ELMO1: variants seen among roughly 807,000 people sequenced by gnomAD.
ELMO1 encodes engulfment and cell motility protein 1.
ELMO1 carries 26 observed loss-of-function variants against 98.9 expected under a neutral mutation model. The observed-to-expected ratio is 0.26, with a 90% confidence interval of 0.19 to 0.36. The LOEUF (loss-of-function observed/expected upper bound fraction) is 0.36. Among genes scored for constraint, ELMO1 ranks in the 10% least tolerant of loss-of-function variants. ELMO1 has a pLI of 1.00. For synonymous variants in ELMO1, 346 were observed against 346.0 expected (o/e 1.00, Z 0.00); for missense variants, 627 against 935.2 (o/e 0.67, Z 4.30).
At chr7:37,103,748 G>A (rs1480580757) in intron 14 of ELMO1, among the ~76,000 whole-genome samples, 2 of 151,964 alleles carry the variant, frequency 1.3e-5, no homozygotes, top group Non-Finnish European at 2.9e-5. Flanking sequence ...TGTAATCCCA[G>A]CACTTTGGGA....
At chr7:37,103,466 C>T (rs953896433) in intron 14 of ELMO1, among the ~76,000 whole-genome samples, 2 of 135,294 alleles carry the variant, frequency 1.5e-5, no homozygotes, top group Admixed American at 1.7e-4. Flanking sequence ...GGAAATTGAA[C>T]AATAAGAACA....
chr7:37,262,796 C>T (rs1316051097), intron 5 of ELMO1, among the ~76,000 whole-genome samples: 1 of 152,222 alleles, frequency 6.6e-6, no homozygotes, highest in African/African-American at 2.4e-5. Context: ...ACTTACATCT[C>T]TGCCATTGGC....
At chr7:37,182,382 A>G (rs1394282855) in intron 13 of ELMO1, among the ~76,000 whole-genome samples, 2 of 152,054 alleles carry the variant, frequency 1.3e-5, no homozygotes, top group African/African-American at 4.8e-5. Context: ...AAATGGCAGC[A>G]GAACAGCTCT....
chr7:37,083,466 C>G (rs866814917), intron 15 of ELMO1, among the ~76,000 whole-genome samples: 1 of 152,104 alleles, frequency 6.6e-6, no homozygotes, highest in East Asian at 1.9e-4. Context: ...AAGTCATTCT[C>G]CTTACTCACT....
At chr7:37,328,841 T>C (rs1242360970) in intron 2 of ELMO1, among the ~76,000 whole-genome samples, 2 of 152,218 alleles carry the variant, frequency 1.3e-5, no homozygotes, top group Non-Finnish European at 2.9e-5. Flanking sequence ...TCAACCTGAA[T>C]GCATATCCTT....
At chr7:36,916,616 T>C (rs1325374280) in intron 16 of ELMO1, among the ~76,000 whole-genome samples, 1 of 152,234 alleles carries the variant, frequency 6.6e-6, no homozygotes, top group East Asian at 1.9e-4. Flanking sequence ...TAGATTTTAC[T>C]TACATAGTGC....
At chr7:37,198,834 C>G (rs776717898) in intron 13 of ELMO1, among the ~76,000 whole-genome samples, 3 of 152,160 alleles carry the variant, frequency 2.0e-5, no homozygotes, top group Non-Finnish European at 4.4e-5. Context: ...TCCGCCACAG[C>G]CAGGGGACAG....
At chr7:37,042,113 G>A (rs376715002) in intron 15 of ELMO1, among the ~76,000 whole-genome samples, 52 of 137,104 alleles carry the variant, frequency 3.8e-4, no homozygotes, top group African/African-American at 9.4e-4. Flanking sequence ...GAAAAACCCC[G>A]TCTCTACGAA....
chr7:37,372,137 A>C (rs929199933), intron 1 of ELMO1, among the ~76,000 whole-genome samples: 1 of 152,324 alleles, frequency 6.6e-6, no homozygotes, highest in South Asian at 2.1e-4. Context: ...CAGTTAAAAA[A>C]AAAAAGATAG....
intron 4 of ELMO1, among the ~76,000 whole-genome samples, chr7:37,302,959 G>A (rs1281698971): frequency 1.3e-5 from 2 of 152,092 alleles, no homozygotes; most frequent in Non-Finnish European, 2.9e-5. Flanking sequence ...TACCTTTCCT[G>A]GGTAGAGATA....
At chr7:37,126,104 A>G (rs1786490323) in intron 14 of ELMO1, among the ~76,000 whole-genome samples, 1 of 151,728 alleles carries the variant, frequency 6.6e-6, no homozygotes, top group African/African-American at 2.4e-5. Flanking sequence ...CAATGAGAAC[A>G]CTTGGACACA....
At chr7:37,264,209 C>T (rs1471815110) in intron 5 of ELMO1, among the ~76,000 whole-genome samples, 1 of 152,130 alleles carries the variant, frequency 6.6e-6, no homozygotes, top group Non-Finnish European at 1.5e-5. Context: ...TCACCCAGCA[C>T]ACAGAAGTGT....
chr7:37,083,551 C>G (rs1783596882), intron 15 of ELMO1, among the ~76,000 whole-genome samples: 1 of 152,198 alleles, frequency 6.6e-6, no homozygotes, highest in African/African-American at 2.4e-5. Context: ...ATGTGATTCA[C>G]ACTTCTAAAG....
chr7:37,037,667 C>T (rs578034549), intron 15 of ELMO1, among the ~76,000 whole-genome samples: 1 of 152,292 alleles, frequency 6.6e-6, no homozygotes, highest in Non-Finnish European at 1.5e-5. Context: ...ATCAAGTGAG[C>T]TGGGGTCAAC....
chr7:36,998,499 ATATATCT>A (rs1267223612), intron 16 of ELMO1, among the ~76,000 whole-genome samples: 6 of 152,164 alleles, frequency 3.9e-5, no homozygotes, highest in Admixed American at 2.0e-4. Flanking sequence ...CCATTTGTAC[ATATATCT>A]TAGGTGCATT....
At chr7:37,183,385 A>C (rs1403043112) in intron 13 of ELMO1, among the ~76,000 whole-genome samples, 1 of 152,224 alleles carries the variant, frequency 6.6e-6, no homozygotes, top group African/African-American at 2.4e-5. Context: ...CACTGCCCCT[A>C]AAGTATTTAC....
intron 4 of ELMO1, among the ~76,000 whole-genome samples, chr7:37,304,313 TA>T (rs1562597547): frequency 6.6e-6 from 1 of 152,132 alleles, no homozygotes; most frequent in African/African-American, 2.4e-5. Flanking sequence ...GGATAGCTCC[TA>T]GGGGAAGTCA....
At chr7:37,400,183 T>C (rs1381426912) in intron 1 of ELMO1, among the ~76,000 whole-genome samples, 6 of 152,212 alleles carry the variant, frequency 3.9e-5, no homozygotes, top group Non-Finnish European at 8.8e-5. Context: ...GAACATCAGA[T>C]AGCATATGCT....
At chr7:36,957,146 A>G (rs2129113506) in intron 16 of ELMO1, among the ~76,000 whole-genome samples, 1 of 152,380 alleles carries the variant, frequency 6.6e-6, no homozygotes, top group South Asian at 2.1e-4. Flanking sequence ...GCATTCAACC[A>G]ACTTAGTAAT....
Sources: gnomAD v4.1 joint callset for allele counts (sites outside exome capture counted in the v4.1 genomes callset) on GRCh38, gnomAD v4.1.1 for gene constraint, MANE v1.5 for transcripts, NCBI Gene and HGNC (gene_info 2026-07-23, HGNC 2026-07-21) for gene names.